PPP1R9A: variants seen among roughly 807,000 people sequenced by gnomAD.
PPP1R9A encodes neurabin-1.
A neutral mutation model predicts 141.9 loss-of-function variants in PPP1R9A; 59 were observed. The ratio of observed to expected loss-of-function variants is 0.42; its 90% confidence interval spans 0.34 to 0.52. The LOEUF (loss-of-function observed/expected upper bound fraction) is 0.52, where lower values mean the gene tolerates loss of function less well. Among genes scored for constraint, PPP1R9A ranks in the 20% least tolerant of loss-of-function variants. The pLI, the probability that PPP1R9A is intolerant of heterozygous loss-of-function variation, is 0.10. For synonymous variants in PPP1R9A, 500 were observed against 569.7 expected (o/e 0.88, Z 1.74); for missense variants, 1,444 against 1,611.9 (o/e 0.90, Z 1.78).
intron 2 of PPP1R9A, among the ~76,000 whole-genome samples, chr7:94,949,040 A>AG (rs1185092854): frequency 6.6e-6 from 1 of 152,192 alleles, no homozygotes; most frequent in Non-Finnish European, 1.5e-5. Context: ...ATAAGCCAGA[A>AG]TTTTCAAAAA....
At chr7:95,138,921 C>T (rs2152561586) in intron 4 of PPP1R9A, among the ~76,000 whole-genome samples, 1 of 152,266 alleles carries the variant, frequency 6.6e-6, no homozygotes, top group Non-Finnish European at 1.5e-5. Flanking sequence ...TTCACTGCCA[C>T]TTAGGAAAAC....
At chr7:95,076,193 G>T (rs1022299668) in intron 2 of PPP1R9A, among the ~76,000 whole-genome samples, 8 of 152,108 alleles carry the variant, frequency 5.3e-5, no homozygotes, top group Admixed American at 1.3e-4. Flanking sequence ...GTGAGCCACC[G>T]CACTCAGCCT....
chr7:95,154,686 A>G (rs1251273841), intron 4 of PPP1R9A: 6 of 152,002 alleles, frequency 3.9e-5, no homozygotes, highest in Non-Finnish European at 8.8e-5. Context: ...AATACTTCAT[A>G]CAGAATGAGA....
At chr7:95,114,891 C>CA (rs200443706) in intron 3 of PPP1R9A, among the ~76,000 whole-genome samples, 1,932 of 112,350 alleles carry the variant, frequency 0.017, 41 homozygotes, top group African/African-American at 0.041. Flanking sequence ...AAGTCCGTCT[C>CA]AAAAAAAAAA....
intron 2 of PPP1R9A, among the ~76,000 whole-genome samples, chr7:95,039,326 T>A (rs1808883182): frequency 6.6e-6 from 1 of 152,100 alleles, no homozygotes; most frequent in African/African-American, 2.4e-5. Context: ...TCCAGCACTT[T>A]GGGAGGCTGA....
intron 4 of PPP1R9A, among the ~76,000 whole-genome samples, chr7:95,122,199 T>G (rs1203731140): frequency 7.0e-6 from 1 of 143,254 alleles, no homozygotes. Context: ...TAAGCTGGAG[T>G]ACAGTGGCAT....
chr7:95,035,435 CCTT>C (rs1808304228), intron 2 of PPP1R9A, among the ~76,000 whole-genome samples: 1 of 152,034 alleles, frequency 6.6e-6, no homozygotes, highest in African/African-American at 2.4e-5. Flanking sequence ...TATCTTTTCT[CCTT>C]CTGTCAGTGA....
At chr7:95,186,505 A>C (rs1027672414) in intron 5 of PPP1R9A, among the ~76,000 whole-genome samples, 3 of 151,940 alleles carry the variant, frequency 2.0e-5, no homozygotes, top group African/African-American at 7.2e-5. Flanking sequence ...GATACCCTTT[A>C]TTTATTTCTT....
chr7:94,977,788 A>G (rs1442910657), intron 2 of PPP1R9A, among the ~76,000 whole-genome samples: 2 of 143,568 alleles, frequency 1.4e-5, no homozygotes, highest in African/African-American at 5.2e-5. Context: ...TTTGAAATGG[A>G]ATCTTGCTCT....
rs1804706815 is a variant in PPP1R9A at position 95,013,542 on chromosome 7, C to CT, written c.1396-97713dup. On this transcript the variant is annotated intron_variant, in intron 2 of 19. Transcript: ENST00000433360. ...TAAGATGATATACAAGTAATAGATA[C>CT]TTTTCTGCAAATTTCACCAAATCTT... Among the ~76,000 whole-genome samples the CT allele has an allele frequency of 2.6e-5, 4 of 152,192 alleles. 1 individual carries two copies. The South Asian group carries it at 8.3e-4, about 32-fold the overall frequency.
chr7:95,074,864 CTAAG>C (rs1235620511), intron 2 of PPP1R9A, among the ~76,000 whole-genome samples: 2 of 152,108 alleles, frequency 1.3e-5, no homozygotes, highest in African/African-American at 4.8e-5. Context: ...CTCTCCAATA[CTAAG>C]TATCACTTAA....
chr7:95,257,469 G>C (rs115310389), intron 12 of PPP1R9A, among the ~76,000 whole-genome samples: 1 of 151,584 alleles, frequency 6.6e-6, no homozygotes, highest in African/African-American at 2.4e-5. Context: ...TTTGAAAGAC[G>C]ATACTTAACA....
At chr7:95,104,315 C>A (rs1244453078) in intron 2 of PPP1R9A, among the ~76,000 whole-genome samples, 1 of 152,136 alleles carries the variant, frequency 6.6e-6, no homozygotes, top group Non-Finnish European at 1.5e-5. Flanking sequence ...AATGTAGTTG[C>A]AACTGCTTTA....
At chr7:95,125,977 C>G (rs771757497) in intron 4 of PPP1R9A, among the ~76,000 whole-genome samples, 26 of 152,130 alleles carry the variant, frequency 1.7e-4, no homozygotes, top group Non-Finnish European at 5.9e-5. Context: ...TGGATGGAAA[C>G]TTGTTTTAAT....
At chr7:95,085,420 G>A (rs202012513) in intron 2 of PPP1R9A, among the ~76,000 whole-genome samples, 3 of 129,408 alleles carry the variant, frequency 2.3e-5, no homozygotes, top group Non-Finnish European at 3.3e-5. Flanking sequence ...AAAAATTTTT[G>A]GTTTTTTTTT....
At chr7:95,262,096 A>C (rs760082770) in intron 12 of PPP1R9A, among the ~76,000 whole-genome samples, 5 of 152,196 alleles carry the variant, frequency 3.3e-5, no homozygotes, top group Non-Finnish European at 7.4e-5. Context: ...CCTAATATCC[A>C]TAGATTTTGA....
intron 5 of PPP1R9A, among the ~76,000 whole-genome samples, chr7:95,166,466 G>A (rs897506866): frequency 6.6e-6 from 1 of 152,158 alleles, no homozygotes; most frequent in Non-Finnish European, 1.5e-5. Context: ...GAATCAGGAA[G>A]AAATAGAAAA....
rs758758003 is a variant in PPP1R9A at position 95,198,363 on chromosome 7, G to A, written c.1769G>A (p.Arg590Gln). The A allele has an allele frequency of 1.1e-5, 18 of 1,606,296 alleles. No homozygotes were observed. The highest frequency in any genetic ancestry group is 4.0e-5 in the African/African-American group (3 of 74,458). ...CCTTTCCACAGATTTGTTATTGGGC[G>A]GGAAAAACCAGGACAAGTGAGCGAG... is the stretch of plus-strand genomic sequence containing the variant. ...TKGNVRFVIG[R>Q]EKPGQVSEVA... The change falls in exon 6 of 20, where the codon CGG (arginine) becomes CAG (glutamine). Residue 590 changes from arginine (R) to glutamine (Q), a missense_variant. Physicochemically the swap from Arg to Gln is conservative, Grantham distance 43. This residue lies in a region of PPP1R9A where 488 missense variants were observed against 542.0 expected (regional missense o/e 0.90). Coordinates refer to ENST00000433360, the MANE Select transcript of PPP1R9A (RefSeq NM_001166160.2).
chr7:94,912,224 T>C (rs1364079726), intron 2 of PPP1R9A, among the ~76,000 whole-genome samples: 2 of 152,222 alleles, frequency 1.3e-5, no homozygotes, highest in African/African-American at 2.4e-5. Flanking sequence ...TAAATGCCAA[T>C]GGAATTCACA....
Sources: allele counts gnomAD v4.1 joint callset (sites outside exome capture counted in the v4.1 genomes callset), GRCh38; gene constraint gnomAD v4.1.1; regional missense constraint gnomAD v4.1.1; transcripts MANE v1.5; gene names NCBI Gene and HGNC (gene_info 2026-07-23, HGNC 2026-07-21).